The following NDUFS2 variants were observed in gnomAD, a reference collection of about 807,000 sequenced individuals.
NDUFS2 encodes the protein NADH dehydrogenase [ubiquinone] iron-sulfur protein 2, mitochondrial.
NDUFS2 carries 38 observed loss-of-function variants against 69.6 expected under a neutral mutation model. The observed-to-expected ratio is 0.55, with a 90% CI of 0.42 to 0.72. The LOEUF is 0.72. Ranked by LOEUF, NDUFS2 falls within the 30% of genes least tolerant of loss-of-function variation. The probability of loss-of-function intolerance (pLI) is 0.00; values close to 1 mark genes in which losing one functional copy is unlikely to be tolerated. For missense variants in NDUFS2, 468 were observed against 595.0 expected (o/e 0.79, Z 2.22); for synonymous variants, 194 against 211.2 (o/e 0.92, Z 0.70).
rs372636241 is a variant in NDUFS2, at chr1:161,209,748, T to A, written c.628-109T>A. 61 of 1,318,680 alleles carry A rather than the reference T, an allele frequency of 4.6e-5. No individual in the cohort carries two copies. The African/African-American group carries it at 7.8e-4, about 17-fold the overall frequency. 81.7% of individuals were successfully genotyped at this position (1,318,680 alleles called of 1,614,324 possible). On this transcript the variant is annotated intron_variant, in intron 5 of 13. Transcript: ENST00000676972. The stretch of plus-strand genomic sequence containing the variant: ...ACTTGGGTTATATTTGTAGAAACTA[T>A]ATCATGAGGGGTTGGTTGGGCACAA...
intron 6 of NDUFS2, 29 bp from the exon 7 acceptor site, chr1:161,210,082 A>T (rs779811384): frequency 1.2e-6 from 2 of 1,606,688 alleles, no homozygotes; most frequent in South Asian, 1.1e-5. Flanking sequence ...GCTATGCCAC[A>T]TTCAGTAGCA....
At chr1:161,207,397 G>A (rs1444921418) in intron 3 of NDUFS2, among the ~76,000 whole-genome samples, 1 of 152,208 alleles carries the variant, frequency 6.6e-6, no homozygotes, top group African/African-American at 2.4e-5. Context: ...TGGTTCAGCA[G>A]ACAGCTAGGA....
chr1:161,198,490 C>T, upstream of NDUFS2: 1 of 1,568,106 alleles, frequency 6.4e-7, no homozygotes, highest in South Asian at 1.2e-5. The surrounding 1 kb of genome is among the most constrained non-coding windows in gnomAD (Gnocchi z 4.7). Flanking sequence ...GGGCTGAGGG[C>T]AGGAGAGAGG....
upstream of NDUFS2, chr1:161,198,075 T>G: frequency 6.2e-7 from 1 of 1,611,440 alleles, no homozygotes; most frequent in African/African-American, 1.3e-5. The surrounding 1 kb of genome is among the most constrained non-coding windows in gnomAD (Gnocchi z 4.7). Flanking sequence ...CTGGCAGGAC[T>G]CTTCCGGCGT....
upstream of NDUFS2, among the ~76,000 whole-genome samples, chr1:161,200,675 C>G (rs1161921838): frequency 6.6e-6 from 1 of 152,138 alleles, no homozygotes; most frequent in Non-Finnish European, 1.5e-5. Context: ...CTTGCCTGAC[C>G]CTGGTTCTAA....
upstream of NDUFS2, chr1:161,198,345 C>T (rs144218462): frequency 3.2e-5 from 51 of 1,613,204 alleles, no homozygotes; most frequent in African/African-American, 6.3e-4. The surrounding 1 kb of genome is among the most constrained non-coding windows in gnomAD (Gnocchi z 4.7). Flanking sequence ...TGCTCCAGCT[C>T]TAGTAGCAGC....
At chr1:161,209,618 G>A in intron 5 of NDUFS2, 23 bp downstream of exon 5, 1 of 1,574,896 alleles carries the variant, frequency 6.3e-7, no homozygotes, top group Non-Finnish European at 8.7e-7. Context: ...GGAAAGGATA[G>A]GAATAGGGAA....
rs1398473070 is a variant in NDUFS2, at chr1:161,209,882, C to G, written c.653C>G (p.Ser218Cys). Residue 218 changes from serine to cysteine, a missense_variant, in exon 6 of 14, where the codon TCT (serine) becomes TGT (cysteine). Physicochemically the swap from Ser to Cys is moderately radical, Grantham distance 112. Coordinates refer to ENST00000676972, the MANE Select transcript of NDUFS2 (RefSeq NM_001377299.1). ...EKMFEFYERV[S>C]GARMHAAYIR... ...ATGTTTGAGTTCTACGAGCGAGTGTCTGGAGCCCGAATGCATGCTGCTTAT... is the reference window on the plus strand; with the variant it reads ...ATGTTTGAGTTCTACGAGCGAGTGTGTGGAGCCCGAATGCATGCTGCTTAT... The G allele has an allele frequency of 1.9e-6, 3 of 1,613,962 alleles. No homozygotes were observed. Among genetic ancestry groups the G allele is most frequent in the East Asian group, 2.2e-5 (1 of 44,870 alleles).
At chr1:161,210,483 C>T (rs1665711397) in intron 8 of NDUFS2, 94 bp downstream of exon 8, 2 of 1,603,690 alleles carry the variant, frequency 1.2e-6, no homozygotes, top group Non-Finnish European at 1.7e-6. Context: ...TTGGCATCCT[C>T]CTAGTCATAC....
chr1:161,212,505 G>A (rs370195382), intron 10 of NDUFS2, 25 bp downstream of exon 10: 22 of 1,608,446 alleles, frequency 1.4e-5, no homozygotes, highest in African/African-American at 6.7e-5. Context: ...GGGGGAAAGT[G>A]TGGGGTGTTG....
At position 161,213,890 on chromosome 1, in the gene NDUFS2, A is replaced by G. The variant is rs1159322482; in HGVS notation, c.1323A>G (p.Gly441=). 6.2e-7 allele frequency: 1 copy of G among 1,614,210 alleles called. No individual in the cohort carries two copies. The highest frequency in any genetic ancestry group is 1.3e-5 in the African/African-American group (1 of 75,042). Residue 441 remains glycine, a synonymous_variant, in exon 13 of 14, where the codon GGA becomes GGG. Transcript: ENST00000676972. The stretch of plus-strand genomic sequence containing the variant: ...CTGGTTTGGACAAGATGTCTAAGGG[A>G]CACATGTTGGCAGATGTCGTTGCCA... ...HLAGLDKMSK[G]HMLADVVAII... is the part of the protein sequence containing the mutation.
upstream of NDUFS2, chr1:161,202,178 C>T: frequency 3.3e-6 from 2 of 614,626 alleles, no homozygotes; most frequent in Middle Eastern, 4.4e-4. Context: ...GGAGGAAACG[C>T]CCTCAGTAAA....
chr1:161,203,613 T>G, intron 2 of NDUFS2, 70 bp downstream of exon 2: 1 of 1,300,860 alleles, frequency 7.7e-7, no homozygotes. Context: ...TTTCTTTTTT[T>G]GAGACAGGGT....
At chr1:161,209,757 G>A in intron 5 of NDUFS2, 100 bp from the exon 6 acceptor site, 1 of 1,349,070 alleles carries the variant, frequency 7.4e-7, no homozygotes, top group Admixed American at 1.9e-5. Flanking sequence ...ATATCATGAG[G>A]GGTTGGTTGG....
upstream of NDUFS2, chr1:161,198,395 G>T: frequency 1.9e-6 from 3 of 1,610,064 alleles, no homozygotes; most frequent in East Asian, 4.5e-5. The surrounding 1 kb of genome is among the most constrained non-coding windows in gnomAD (Gnocchi z 4.7). Flanking sequence ...CAGCCTGGCA[G>T]GGGCGCCCGA....
Position 161,213,849 on chromosome 1 carries a change from T to A in NDUFS2, c.1297-15T>A, listed in dbSNP as rs1314817693. On this transcript the variant is annotated splice_polypyrimidine_tract_variant and intron_variant, in intron 12 of 13. Coordinates refer to ENST00000676972, the MANE Select transcript of NDUFS2 (RefSeq NM_001377299.1). ...CAAGTCTTAACTAACATTGTTGCCATCTCAATCTCCCTAGGCTGGTTTGGA... is the reference window on the plus strand; with the variant it reads ...CAAGTCTTAACTAACATTGTTGCCAACTCAATCTCCCTAGGCTGGTTTGGA... The A allele has an allele frequency of 1.2e-6, 2 of 1,614,128 alleles. No homozygotes were observed. The highest frequency in any genetic ancestry group is 1.7e-6 in the Non-Finnish European group (2 of 1,179,954).
chr1:161,213,775 C>T, intron 12 of NDUFS2, 43 bp downstream of exon 12: 1 of 1,612,770 alleles, frequency 6.2e-7, no homozygotes, highest in Non-Finnish European at 8.5e-7. Flanking sequence ...TGAATTAAAC[C>T]TGACCTTGGT....
chr1:161,198,400 G>A (rs534087712), upstream of NDUFS2: 263 of 1,607,636 alleles, frequency 1.6e-4, no homozygotes, highest in South Asian at 2.7e-3. This position sits in a 1 kb window ranked among gnomAD's most constrained non-coding sequence, Gnocchi z 4.7. Context: ...TGGCAGGGGC[G>A]CCCGAGCCAG....
At chr1:161,210,549 G>C (rs756557818) in intron 8 of NDUFS2, 42 bp from the exon 9 acceptor site, 11 of 1,613,892 alleles carry the variant, frequency 6.8e-6, no homozygotes, top group African/African-American at 1.3e-5. Context: ...TCCTTACTTA[G>C]TTTGTGGAGA....
Sources: allele counts gnomAD v4.1 joint callset (sites outside exome capture counted in the v4.1 genomes callset), GRCh38; gene constraint gnomAD v4.1.1; non-coding constraint Gnocchi (gnomAD v3.1); transcripts MANE v1.5; gene names NCBI Gene and HGNC (gene_info 2026-07-23, HGNC 2026-07-21).